Variants in JCAD observed in about 807,000 individuals in gnomAD.
The protein encoded by JCAD is junctional cadherin 5 associated.
JCAD carries 40 observed loss-of-function variants against 98.0 expected under a neutral mutation model. The ratio of observed to expected loss-of-function variants is 0.41; its 90% CI spans 0.32 to 0.53. JCAD has a LOEUF of 0.53. Ranked by LOEUF, JCAD falls within the 20% of genes least tolerant of loss-of-function variation. The pLI is 0.31. For missense variants in JCAD, 1,705 were observed against 1,738.1 expected, an observed-to-expected ratio of 0.98 and a Z score of 0.34; for synonymous variants, 691 against 682.3, an observed-to-expected ratio of 1.01 and a Z score of -0.20.
At chr10:30,019,679 C>T (rs1021444297) in intron 3 of JCAD, among the ~76,000 whole-genome samples, 1 of 151,918 alleles carries the variant, frequency 6.6e-6, no homozygotes, top group Non-Finnish European at 1.5e-5. Context: ...TGAGTAAGTA[C>T]TGGAGACTGA....
chr10:30,103,733 CTTTTTT>C (rs3858238), intron 1 of JCAD, among the ~76,000 whole-genome samples: 10 of 126,746 alleles, frequency 7.9e-5, no homozygotes, highest in Admixed American at 1.7e-4. Context: ...GTCAATTTTT[CTTTTTT>C]TTTTTTTTTT....
At chr10:30,082,227 G>A (rs962747012) in intron 1 of JCAD, among the ~76,000 whole-genome samples, 13 of 152,058 alleles carry the variant, frequency 8.5e-5, no homozygotes, top group Admixed American at 5.2e-4. Context: ...CCAGCTTCCC[G>A]TAGGATGAAA....
Position 30,080,654 on chromosome 10 carries a change from C to A in JCAD, n.129-10833G>T, listed in dbSNP as rs1015964453. On this transcript the variant is annotated intron_variant and non_coding_transcript_variant, in intron 1 of 2. Coordinates refer to the JCAD transcript ENST00000465712. ...CCAATCTCATGATTCATTAACTCAC[C>A]CCCAGTCATTAGGACAGCCCCCAAT... 2.0e-5 allele frequency among the ~76,000 whole-genome samples: 3 copies of A among 151,962 alleles called. No homozygotes were observed. In the South Asian group the frequency reaches 6.2e-4, roughly 32 times the overall value.
At position 30,092,102 on chromosome 10, in the gene JCAD, ATAT is replaced by A. The variant is rs1564469975; in HGVS notation, n.129-22284_129-22282del. 6.7e-4 allele frequency among the ~76,000 whole-genome samples: 70 copies of A among 104,008 alleles called. 1 individual carries two copies. The highest frequency in any genetic ancestry group is 2.8e-3 in the African/African-American group (63 of 22,790). The allele number at this position is 104,008 out of a possible 152,430, so 68.2% of individuals were successfully genotyped here. ...ATATATATATATAAAGTTACTTTAT[ATAT>A]ATATATATATATATATATATAAAAA... is the stretch of plus-strand genomic sequence containing the variant. On this transcript the variant is annotated intron_variant and non_coding_transcript_variant, in intron 1 of 2. Coordinates refer to the JCAD transcript ENST00000465712.
chr10:30,047,718 G>A lies in JCAD; in HGVS notation c.95C>T (p.Ala32Val), dbSNP rs747342925. 1.2e-5 allele frequency: 19 copies of A among 1,614,108 alleles called. No homozygotes were observed. Among genetic ancestry groups the A allele is most frequent in the Non-Finnish European group, 1.4e-5 (17 of 1,180,052 alleles). The change falls in exon 2 of 4, where the codon GCA becomes GTA. Residue 32 changes from alanine (A) to valine (V), a missense_variant. By Grantham distance (64) the Ala-to-Val change is moderately conservative (BLOSUM62 0). This residue lies in a region of JCAD where 152 missense variants were observed against 148.0 expected (regional missense o/e 1.03). Transcript: ENST00000375377. ...SREDNPKGRQ[A>V]ARTGTRAGQG... ...GCCTGCTCGTGTCCCAGTCCTCGCT[G>A]CCTGGCGCCCCTTGGGGTTATCCTC...
rs1183070066 is a variant in JCAD, at chr10:30,016,967, T to C, written c.*916A>G. 1 of 152,176 alleles carries C rather than the reference T, an allele frequency of 6.6e-6. No individual in the cohort carries two copies. Among genetic ancestry groups the C allele is most frequent in the Non-Finnish European group, 1.5e-5 (1 of 68,024 alleles). 9.4% of individuals were successfully genotyped at this position (152,176 alleles called of 1,614,324 possible). On this transcript the variant is annotated 3_prime_UTR_variant, in exon 4 of 4. Transcript: ENST00000375377. Reference sequence around the variant, plus strand: ...GCTTTAAAGCAAAAGTGAACCCTCTTTGGGTTCCTCTCACACAAAGGGATA... The same window carrying C: ...GCTTTAAAGCAAAAGTGAACCCTCTCTGGGTTCCTCTCACACAAAGGGATA...
intron 1 of JCAD, among the ~76,000 whole-genome samples, chr10:30,109,004 A>G (rs1326532731): frequency 6.6e-6 from 1 of 152,144 alleles, no homozygotes; most frequent in African/African-American, 2.4e-5. Flanking sequence ...GCTGGTTGAA[A>G]CAACGGGAGC....
intron 1 of JCAD, among the ~76,000 whole-genome samples, chr10:30,099,639 T>G (rs1838436076): frequency 6.6e-6 from 1 of 152,030 alleles, no homozygotes; most frequent in African/African-American, 2.4e-5. Context: ...TTTTAAATAA[T>G]GACAGGATCT....
chr10:30,015,827 C>A lies in JCAD; in HGVS notation c.*2056G>T, dbSNP rs1287838141. ...GTATATAAATGTATATACACATATA[C>A]CTTCTTACGTTTGCATTTAAAGAGG... On this transcript the variant is annotated 3_prime_UTR_variant, in exon 4 of 4. Coordinates refer to ENST00000375377, the MANE Select transcript of JCAD (RefSeq NM_020848.4). 1 of 152,104 alleles carries A rather than the reference C, an allele frequency of 6.6e-6. No homozygotes were observed. The highest frequency in any genetic ancestry group is 6.5e-5 in the Admixed American group (1 of 15,270). The allele number at this position is 152,104 out of a possible 1,614,324, so 9.4% of individuals were successfully genotyped here. A position where few individuals can be genotyped will look rare whatever the true frequency, so the allele number is the denominator to read the frequency against.
rs749917632 is a variant in JCAD, at chr10:30,026,677, A to G, written c.3471T>C (p.Pro1157=). Residue 1157 remains proline (P), a synonymous_variant, in exon 3 of 4, where the codon CCT becomes CCC. Coordinates refer to ENST00000375377, the MANE Select transcript of JCAD (RefSeq NM_020848.4). ...CACTGTCCCTGTCCCCTACAAAGAG[A>G]GGGCTCTTGGTCCAGCCGCACTTCC... ...GRRKCGWTKS[P]LFVGDRDSAR... 48 of 1,613,274 alleles carry G rather than the reference A, an allele frequency of 3.0e-5. No homozygotes were observed. The highest frequency in any genetic ancestry group is 1.8e-4 in the Middle Eastern group (1 of 5,488).
intron 1 of JCAD, among the ~76,000 whole-genome samples, chr10:30,051,288 A>ACACG (rs1209680245): frequency 6.3e-4 from 92 of 144,958 alleles, no homozygotes; most frequent in African/African-American, 2.5e-3. Context: ...ACGCACGCAC[A>ACACG]CACACACACA....
At chr10:30,019,941 A>C (rs1253961447) in intron 3 of JCAD, among the ~76,000 whole-genome samples, 2 of 151,982 alleles carry the variant, frequency 1.3e-5, no homozygotes, top group East Asian at 3.8e-4. Flanking sequence ...AAAAAGAAAA[A>C]GGAAAAAAAA....
At chr10:30,107,697 C>T (rs1055643435) in intron 1 of JCAD, among the ~76,000 whole-genome samples, 1 of 152,186 alleles carries the variant, frequency 6.6e-6, no homozygotes, top group Non-Finnish European at 1.5e-5. Flanking sequence ...GTCTTCCTTG[C>T]ATGAGGTCCA....
chr10:30,113,844 C>T (rs925382857), intron 1 of JCAD, among the ~76,000 whole-genome samples: 2 of 152,174 alleles, frequency 1.3e-5, no homozygotes, highest in Admixed American at 6.5e-5. Flanking sequence ...GCACCCTGCC[C>T]AGGGACCACT....
chr10:30,103,104 C>T (rs1307146380), intron 1 of JCAD, among the ~76,000 whole-genome samples: 2 of 152,168 alleles, frequency 1.3e-5, no homozygotes, highest in East Asian at 1.9e-4. Flanking sequence ...ATAACATCCT[C>T]CCAGTTCATA....
chr10:30,017,765 T>C lies in JCAD; in HGVS notation c.*118A>G. ...GCAGTGGTAAAGAATGTTATCAGGA[T>C]GCTAAAAACTCAGCAGCTTCCAGCT... On this transcript the variant is annotated 3_prime_UTR_variant, in exon 4 of 4. Coordinates refer to ENST00000375377, the MANE Select transcript of JCAD (RefSeq NM_020848.4). 1.1e-6 allele frequency: 1 copy of C among 870,266 alleles called. No homozygotes were observed. Among genetic ancestry groups the C allele is most frequent in the Non-Finnish European group, 1.9e-6 (1 of 520,338 alleles). The allele number at this position is 870,266 out of a possible 1,614,324, so 53.9% of individuals were successfully genotyped here.
At chr10:30,099,407 C>G (rs781377226) in intron 1 of JCAD, among the ~76,000 whole-genome samples, 1 of 152,024 alleles carries the variant, frequency 6.6e-6, no homozygotes, top group African/African-American at 2.4e-5. Flanking sequence ...AGTTTCTTAT[C>G]TAGTTAAATA....
chr10:30,068,779 A>C (rs1484596898), intron 2 of JCAD, among the ~76,000 whole-genome samples: 1 of 152,182 alleles, frequency 6.6e-6, no homozygotes, highest in Non-Finnish European at 1.5e-5. Context: ...CCAGCCCTGA[A>C]TCAACCCAGG....
rs973922197 is a variant in JCAD, at chr10:30,059,310, C to T, written c.-60+172G>A. ...CACCGCGCGGGGGGCCCAGGCGGGG[C>T]TGCGACTGGGGGTGCAGACATCCCC... On this transcript the variant is annotated intron_variant, in intron 1 of 3. Transcript: ENST00000375377. The surrounding 1 kb of genome is among the most constrained non-coding windows in gnomAD (Gnocchi z 5.0). 6.6e-6 allele frequency among the ~76,000 whole-genome samples: 1 copy of T among 151,244 alleles called. No individual in the cohort carries two copies. Among genetic ancestry groups the T allele is most frequent in the Non-Finnish European group, 1.5e-5 (1 of 67,680 alleles).
Sources: allele counts gnomAD v4.1 joint callset (sites outside exome capture counted in the v4.1 genomes callset), GRCh38; gene constraint gnomAD v4.1.1; regional missense constraint gnomAD v4.1.1; non-coding constraint Gnocchi (gnomAD v3.1); transcripts MANE v1.5; gene names NCBI Gene and HGNC (gene_info 2026-07-23, HGNC 2026-07-21).